The following TMSB15B variants were observed in gnomAD, a reference collection of about 807,000 sequenced individuals.
TMSB15B encodes the protein thymosin beta-15B.
At chrX:103,936,680 T>C (rs1455585047) in intron 1 of TMSB15B, among the ~76,000 whole-genome samples, 8 of 112,107 alleles carry the variant, frequency 7.1e-5, no homozygotes, top group African/African-American at 2.6e-4. Context: ...CTTCCAATAC[T>C]GTGTTGAATA....
At chrX:103,925,024 C>A (rs2074964388) in intron 1 of TMSB15B, among the ~76,000 whole-genome samples, 1 of 112,169 alleles carries the variant, frequency 8.9e-6, no homozygotes, top group Non-Finnish European at 1.9e-5. Context: ...TCTGGCTGTC[C>A]TGAGAGTGTC....
At chrX:103,952,717 G>A (rs2075041876) in intron 1 of TMSB15B, among the ~76,000 whole-genome samples, 1 of 111,596 alleles carries the variant, frequency 9.0e-6, no homozygotes, top group Non-Finnish European at 1.9e-5. Flanking sequence ...ATCATTAGTC[G>A]AGTTCTAATA....
chrX:103,931,914 A>T (rs1282515216), intron 1 of TMSB15B: 1 of 111,220 alleles, frequency 9.0e-6, no homozygotes, highest in African/African-American at 3.3e-5. Flanking sequence ...TTAATCAATC[A>T]TACCTATGTA....
chrX:103,928,143 C>T, intron 1 of TMSB15B: 5 of 1,156,883 alleles, frequency 4.3e-6, no homozygotes, highest in Admixed American at 2.2e-5. Flanking sequence ...CAGCACAGAA[C>T]ACAAGCAGAG....
intron 1 of TMSB15B, among the ~76,000 whole-genome samples, chrX:103,930,725 G>GATGATAATA (rs141575289): frequency 0.012 from 1,076 of 93,051 alleles, 10 homozygotes; most frequent in Middle Eastern, 0.022. Flanking sequence ...TGATGCTGTT[G>GATGATAATA]ATAATAATAA....
chrX:103,942,781 G>T (rs1224656901), intron 1 of TMSB15B, among the ~76,000 whole-genome samples: 3 of 110,999 alleles, frequency 2.7e-5, no homozygotes, highest in African/African-American at 9.8e-5. Flanking sequence ...ATCTTTTTTT[G>T]GGATTTTTAT....
chrX:103,937,148 T>C (rs782539609), intron 1 of TMSB15B, among the ~76,000 whole-genome samples: 1 of 112,286 alleles, frequency 8.9e-6, no homozygotes, highest in African/African-American at 3.2e-5. Flanking sequence ...GTTGTGTCTC[T>C]GACAGGTTTT....
intron 1 of TMSB15B, among the ~76,000 whole-genome samples, chrX:103,938,087 T>G (rs1245372462): frequency 8.9e-6 from 1 of 111,760 alleles, no homozygotes; most frequent in African/African-American, 3.3e-5. Flanking sequence ...TACTTCCAAT[T>G]ATGTGGTCAA....
intron 1 of TMSB15B, among the ~76,000 whole-genome samples, chrX:103,956,019 C>G (rs1371016905): frequency 2.9e-5 from 3 of 104,244 alleles, no homozygotes; most frequent in Non-Finnish European, 5.9e-5. Context: ...GAAATTCCAA[C>G]ACAGAATTTC....
chrX:103,928,477 G>T (rs1461029791), intron 1 of TMSB15B: 1 of 1,203,045 alleles, frequency 8.3e-7, no homozygotes, highest in East Asian at 3.0e-5. Context: ...TGGCCTGGTG[G>T]AGGCTGTGGC....
rs782768708 is a variant in TMSB15B, at chrX:103,946,030, A to G, written c.-720-15991A>G. On this transcript the variant is annotated intron_variant, in intron 1 of 3. Transcript: ENST00000419165. ...AGGTCTAGAATTTGACCCTATTTAC[A>G]AACTTACAAATTAGCCTGACACACA... 4.3e-4 allele frequency among the ~76,000 whole-genome samples: 48 copies of G among 112,454 alleles called. 1 individual carries two copies. The South Asian group carries it at 0.018, about 42-fold the overall frequency.
chrX:103,926,713 C>A (rs2074969177), intron 1 of TMSB15B, among the ~76,000 whole-genome samples: 1 of 110,730 alleles, frequency 9.0e-6, no homozygotes, highest in African/African-American at 3.3e-5. Flanking sequence ...ATCCTGGACT[C>A]TGTGGTCCCC....
intron 1 of TMSB15B, among the ~76,000 whole-genome samples, chrX:103,920,250 ATT>A (rs1161392270): frequency 3.6e-5 from 4 of 111,778 alleles, no homozygotes; most frequent in African/African-American, 9.8e-5. Context: ...AACTCATACT[ATT>A]AACTAAAGTG....
chrX:103,946,416 T>A (rs1241405630), intron 1 of TMSB15B, among the ~76,000 whole-genome samples: 1 of 112,403 alleles, frequency 8.9e-6, no homozygotes. Context: ...AGAGTACGCA[T>A]AAATGCTTAG....
At chrX:103,930,666 G>C (rs1416372443) in intron 1 of TMSB15B, among the ~76,000 whole-genome samples, 3 of 107,432 alleles carry the variant, frequency 2.8e-5, no homozygotes, top group Non-Finnish European at 5.7e-5. Context: ...CCTTGGAGCT[G>C]TGTTTTTATT....
intron 1 of TMSB15B, chrX:103,927,958 G>A (rs2074973471): frequency 1.5e-5 from 6 of 390,411 alleles, no homozygotes; most frequent in Admixed American, 4.4e-5. Flanking sequence ...AGAGTTGCTT[G>A]TTTCTGTCGA....
At chrX:103,953,125 G>C (rs191023975) in intron 1 of TMSB15B, among the ~76,000 whole-genome samples, 114 of 111,354 alleles carry the variant, frequency 1.0e-3, no homozygotes, top group African/African-American at 3.5e-3. Flanking sequence ...CAAAGCCAAC[G>C]GAAGCTCCCC....
At chrX:103,933,145 T>C (rs781836709) in intron 1 of TMSB15B, among the ~76,000 whole-genome samples, 2 of 111,819 alleles carry the variant, frequency 1.8e-5, no homozygotes, top group Non-Finnish European at 3.8e-5. Context: ...ACATATAGTG[T>C]AGTACATTAA....
intron 1 of TMSB15B, among the ~76,000 whole-genome samples, chrX:103,942,215 A>G (rs782620026): frequency 1.3e-4 from 14 of 111,810 alleles, no homozygotes; most frequent in Non-Finnish European, 2.3e-4. Context: ...ATTCCTTTAT[A>G]CTATAATAAC....
Sources: gnomAD v4.1 joint callset for allele counts (sites outside exome capture counted in the v4.1 genomes callset) on GRCh38, gnomAD v4.1.1 for gene constraint, MANE v1.5 for transcripts, NCBI Gene and HGNC (gene_info 2026-07-23, HGNC 2026-07-21) for gene names.